Variants in HSD17B12 observed in about 807,000 individuals in gnomAD.
HSD17B12 encodes hydroxysteroid 17-beta dehydrogenase 12.
HSD17B12 carries 32 observed loss-of-function variants against 39.3 expected under a neutral mutation model. The ratio of observed to expected loss-of-function variants is 0.81; its 90% CI spans 0.61 to 1.09. The LOEUF (loss-of-function observed/expected upper bound fraction) is 1.09, where lower values mean the gene tolerates loss of function less well. Ranked by LOEUF, HSD17B12 falls within the 50% of genes least tolerant of loss-of-function variation. HSD17B12 has a pLI of 0.00. For synonymous variants in HSD17B12, 150 were observed against 146.7 expected (o/e 1.02, Z -0.16); for missense variants, 342 against 382.9 (o/e 0.89, Z 0.89).
the HSD17B12 span, among the ~76,000 whole-genome samples, chr11:43,606,451 T>A: frequency 2.0e-5 from 3 of 152,236 alleles, no homozygotes; most frequent in East Asian, 1.9e-4. Context: ...GGAACTTTTT[T>A]ATCAATAAAC....
At chr11:43,828,838 G>A (rs2135106703) in intron 6 of HSD17B12, among the ~76,000 whole-genome samples, 1 of 152,152 alleles carries the variant, frequency 6.6e-6, no homozygotes, top group Admixed American at 6.5e-5. Flanking sequence ...ATAAAAATTT[G>A]GTGTTAAAGA....
At chr11:43,681,880 T>C (rs192132012) in intron 1 of HSD17B12, among the ~76,000 whole-genome samples, 1 of 151,116 alleles carries the variant, frequency 6.6e-6, no homozygotes, top group East Asian at 2.0e-4. Flanking sequence ...CTTTGCTTTA[T>C]TTTTCGTCTC....
chr11:43,754,811 GA>G, intron 3 of HSD17B12: 2 of 744,304 alleles, frequency 2.7e-6, no homozygotes, highest in Non-Finnish European at 4.9e-6. Context: ...TATGTGTTAG[GA>G]AAAATAGAAA....
the HSD17B12 span, among the ~76,000 whole-genome samples, chr11:43,576,860 T>A: frequency 1.3e-5 from 2 of 152,010 alleles, no homozygotes; most frequent in Non-Finnish European, 2.9e-5. Context: ...AATCTCTGAA[T>A]CAATAGCTGC....
Position 43,726,400 on chromosome 11 carries a change from A to G in HSD17B12, c.161-24511A>G, listed in dbSNP as rs556687556. Among the ~76,000 whole-genome samples the G allele has an allele frequency of 1.2e-4, 18 of 152,320 alleles. No individual in the cohort carries two copies. In the South Asian group the frequency reaches 3.3e-3, roughly 28 times the overall value. ...ACCCCTAAAGCCCGAGCAAAGGAAG[A>G]AAGGAGAAATTGAGGGCGTTAGTAG... On this transcript the variant is annotated intron_variant, in intron 1 of 10. Transcript: ENST00000278353.
At chr11:43,683,275 G>A (rs1317701597) in intron 1 of HSD17B12, among the ~76,000 whole-genome samples, 4 of 152,060 alleles carry the variant, frequency 2.6e-5, no homozygotes, top group African/African-American at 4.8e-5. Flanking sequence ...TAAATTAAGG[G>A]AAGTATTTGT....
At chr11:43,671,833 A>T in the HSD17B12 span, among the ~76,000 whole-genome samples, 1 of 152,240 alleles carries the variant, frequency 6.6e-6, no homozygotes, top group Admixed American at 6.5e-5. Flanking sequence ...TAGTGGGAAT[A>T]GAAAATGGGG....
chr11:43,774,755 G>A (rs1197747418), intron 3 of HSD17B12, among the ~76,000 whole-genome samples: 3 of 152,042 alleles, frequency 2.0e-5, no homozygotes, highest in Non-Finnish European at 4.4e-5. Context: ...GATACAGAGG[G>A]GTAAGAATTC....
upstream of HSD17B12, among the ~76,000 whole-genome samples, chr11:43,679,866 A>G (rs1427807909): frequency 1.3e-5 from 2 of 152,134 alleles, no homozygotes; most frequent in African/African-American, 4.8e-5. Flanking sequence ...GCTCTCTATG[A>G]GTGAGTGTAA....
At chr11:43,687,546 A>G (rs981990589) in intron 1 of HSD17B12, among the ~76,000 whole-genome samples, 4 of 152,176 alleles carry the variant, frequency 2.6e-5, no homozygotes, top group African/African-American at 9.7e-5. Flanking sequence ...CTGGAGTGAC[A>G]GGAAGGGCAG....
chr11:43,573,016 C>G, the HSD17B12 span, among the ~76,000 whole-genome samples: 1 of 152,156 alleles, frequency 6.6e-6, no homozygotes, highest in South Asian at 2.1e-4. Flanking sequence ...GCTTCGCTCA[C>G]CCTGAAAGAG....
intron 3 of HSD17B12, among the ~76,000 whole-genome samples, chr11:43,796,558 A>G (rs1950918166): frequency 6.6e-6 from 1 of 152,206 alleles, no homozygotes; most frequent in Non-Finnish European, 1.5e-5. Flanking sequence ...TTACTAAATA[A>G]CATTCTTCGT....
chr11:43,705,464 A>T (rs571403578), intron 1 of HSD17B12, among the ~76,000 whole-genome samples: 1 of 152,316 alleles, frequency 6.6e-6, no homozygotes, highest in South Asian at 2.1e-4. Flanking sequence ...ACTGTGGCCC[A>T]AAGTAGTTCA....
intron 3 of HSD17B12, among the ~76,000 whole-genome samples, chr11:43,785,097 T>G (rs200885383): frequency 2.4e-3 from 56 of 23,056 alleles, no homozygotes; most frequent in African/African-American, 6.2e-3. Flanking sequence ...GTAAACAGGG[T>G]TTTTTTTTTT....
At chr11:43,578,771 G>A in the HSD17B12 span, 1 of 151,904 alleles carries the variant, frequency 6.6e-6, no homozygotes, top group Non-Finnish European at 1.5e-5. Context: ...GGTGGTTGGG[G>A]GGAGGTGTCC....
At chr11:43,747,476 G>T (rs940415221) in intron 1 of HSD17B12, among the ~76,000 whole-genome samples, 1 of 152,140 alleles carries the variant, frequency 6.6e-6, no homozygotes, top group Non-Finnish European at 1.5e-5. Flanking sequence ...AAAAATAGGG[G>T]ACAATAAGTT....
the HSD17B12 span, among the ~76,000 whole-genome samples, chr11:43,579,820 C>T: frequency 2.0e-5 from 3 of 151,882 alleles, no homozygotes; most frequent in East Asian, 5.9e-4. Flanking sequence ...AAGACAGTGC[C>T]TCCACCGTCG....
intron 6 of HSD17B12, among the ~76,000 whole-genome samples, chr11:43,824,103 A>AAGTGTTGGCAGTAAGT (rs1465831565): frequency 6.6e-6 from 1 of 152,160 alleles, no homozygotes; most frequent in African/African-American, 2.4e-5. Context: ...GACCTGAATT[A>AAGTGTTGGCAGTAAGT]CTACATGGCA....
chr11:43,663,769 C>T, the HSD17B12 span, among the ~76,000 whole-genome samples: 1 of 152,166 alleles, frequency 6.6e-6, no homozygotes, highest in Non-Finnish European at 1.5e-5. Context: ...GTACAGGGTG[C>T]CAAGCAAGGA....
Sources: gnomAD v4.1 joint callset for allele counts (sites outside exome capture counted in the v4.1 genomes callset) on GRCh38, gnomAD v4.1.1 for gene constraint, MANE v1.5 for transcripts, NCBI Gene and HGNC (gene_info 2026-07-23, HGNC 2026-07-21) for gene names.